DISP1: variants seen among roughly 807,000 people sequenced by gnomAD.
The protein encoded by DISP1 is dispatched RND transporter family member 1, also known as protein dispatched homolog 1.
A neutral mutation model predicts 37.3 loss-of-function variants in DISP1; 30 were observed. The ratio of observed to expected loss-of-function variants is 0.80; its 90% CI spans 0.60 to 1.09. DISP1 has a LOEUF of 1.09. Ranked by LOEUF, DISP1 falls within the 50% of genes least tolerant of loss-of-function variation. The probability of loss-of-function intolerance (pLI) is 0.00; values close to 1 mark genes in which losing one functional copy is unlikely to be tolerated. For synonymous variants in DISP1, 634 were observed against 690.2 expected (o/e 0.92, Z 1.28); for missense variants, 1,598 against 1,879.5 (o/e 0.85, Z 2.77).
At chr1:222,916,167 G>C (rs184912809) in intron 1 of DISP1, among the ~76,000 whole-genome samples, 1 of 152,228 alleles carries the variant, frequency 6.6e-6, no homozygotes, top group Non-Finnish European at 1.5e-5. Flanking sequence ...AGGTGCCTCT[G>C]ATGACTGCTA....
At chr1:222,870,039 G>A (rs955479255) in intron 1 of DISP1, among the ~76,000 whole-genome samples, 2 of 152,132 alleles carry the variant, frequency 1.3e-5, no homozygotes, top group East Asian at 1.9e-4. Context: ...AACATGCGGT[G>A]TTTGGTTTTT....
intron 1 of DISP1, among the ~76,000 whole-genome samples, chr1:222,826,241 G>A (rs1392487660): frequency 3.3e-5 from 5 of 152,036 alleles, no homozygotes; most frequent in Non-Finnish European, 7.4e-5. Context: ...TATTCCTCAT[G>A]GTTGCTCCTC....
At chr1:222,894,797 C>T (rs1385263299) in intron 1 of DISP1, among the ~76,000 whole-genome samples, 2 of 152,226 alleles carry the variant, frequency 1.3e-5, no homozygotes, top group African/African-American at 2.4e-5. Context: ...CTGCTACAGC[C>T]GGCGACGCTG....
intron 1 of DISP1, among the ~76,000 whole-genome samples, chr1:222,881,685 G>C (rs1470842519): frequency 6.6e-6 from 1 of 152,204 alleles, no homozygotes; most frequent in Non-Finnish European, 1.5e-5. Context: ...ATCAGGTAGA[G>C]TTTGAGATTG....
At chr1:222,958,218 CTTT>C (rs1486197032) in intron 3 of DISP1, among the ~76,000 whole-genome samples, 2 of 152,166 alleles carry the variant, frequency 1.3e-5, no homozygotes, top group African/African-American at 4.8e-5. Context: ...TCACTGCAGT[CTTT>C]TAACACATCT....
In DISP1 at chr1:222,904,997, A is replaced by G. The variant is rs979762759; in HGVS notation, c.-158-23433A>G. On this transcript the variant is annotated intron_variant, in intron 1 of 8. Coordinates refer to ENST00000675850, the MANE Select transcript of DISP1 (RefSeq NM_001377229.1). ...CAAATATGCATGCTGGTAAATACAA[A>G]TCGGATCATTTATTTCAGGACTGGT... Among the ~76,000 whole-genome samples the G allele has an allele frequency of 5.3e-5, 8 of 152,196 alleles. No individual in the cohort carries two copies. The South Asian group carries it at 1.2e-3, about 24-fold the overall frequency.
At chr1:222,920,143 G>A (rs2125439733) in intron 1 of DISP1, among the ~76,000 whole-genome samples, 1 of 152,182 alleles carries the variant, frequency 6.6e-6, no homozygotes, top group South Asian at 2.1e-4. Context: ...CAGTGTATTA[G>A]TTATAACCTC....
chr1:222,938,198 C>T (rs1674112840), intron 2 of DISP1, among the ~76,000 whole-genome samples: 1 of 152,008 alleles, frequency 6.6e-6, no homozygotes. Context: ...TTTAAAGTTA[C>T]TCATTATATT....
At chr1:222,936,219 C>T (rs1286506245) in intron 2 of DISP1, among the ~76,000 whole-genome samples, 2 of 152,122 alleles carry the variant, frequency 1.3e-5, no homozygotes, top group Non-Finnish European at 2.9e-5. Flanking sequence ...GCTGTGGCTA[C>T]AGCATCTAGG....
chr1:222,957,734 C>T (rs1469423364), intron 3 of DISP1, among the ~76,000 whole-genome samples: 2 of 152,154 alleles, frequency 1.3e-5, no homozygotes, highest in Non-Finnish European at 2.9e-5. Context: ...GAGAAAATGA[C>T]GCCTCAAGAT....
chr1:222,985,980 A>C (rs1045410666), intron 4 of DISP1, among the ~76,000 whole-genome samples: 1 of 152,200 alleles, frequency 6.6e-6, no homozygotes, highest in Non-Finnish European at 1.5e-5. Context: ...TCTTTAAGGG[A>C]CAAGAGGAAT....
At chr1:222,877,847 G>C (rs909086158) in intron 1 of DISP1, among the ~76,000 whole-genome samples, 1 of 152,184 alleles carries the variant, frequency 6.6e-6, no homozygotes, top group African/African-American at 2.4e-5. Context: ...GCAGGAACTC[G>C]GTGAAGAAGG....
At chr1:222,918,930 T>C (rs1286811992) in intron 1 of DISP1, among the ~76,000 whole-genome samples, 2 of 152,216 alleles carry the variant, frequency 1.3e-5, no homozygotes. Context: ...TTGGGTTGAT[T>C]TACTAATGTG....
In DISP1 at chr1:223,003,841, GTT is replaced by G. The variant is rs1386632860; in HGVS notation, c.2447_2448del (p.Phe816Ter). ...AAAGGGAAGTTGACATTAGATAGCA[GTT>G]TTAACATCGCCAGCCCAGCTTCCCA... On this transcript the variant is annotated frameshift_variant, in exon 9 of 9. Coordinates refer to ENST00000675850, the MANE Select transcript of DISP1 (RefSeq NM_001377229.1). LOFTEE classifies it low-confidence loss of function (END_TRUNC). This position sits in a 1 kb window ranked among gnomAD's most constrained non-coding sequence, Gnocchi z 4.3. 6.2e-7 allele frequency: 1 copy of G among 1,614,100 alleles called. No homozygotes were observed. The highest frequency in any genetic ancestry group is 8.5e-7 in the Non-Finnish European group (1 of 1,180,040).
intron 1 of DISP1, among the ~76,000 whole-genome samples, chr1:222,874,464 A>G (rs980079000): frequency 3.3e-5 from 5 of 151,820 alleles, no homozygotes; most frequent in South Asian, 2.1e-4. Flanking sequence ...TTTATTCTTT[A>G]TTCTTTTTTC....
In DISP1 at chr1:223,003,174, A is replaced by G. The variant is rs772936765; in HGVS notation, c.1777A>G (p.Thr593Ala). Residue 593 changes from threonine to alanine, a missense_variant, in exon 9 of 9, where the codon ACC (threonine) becomes GCC (alanine). Physicochemically the swap from Thr to Ala is moderately conservative, Grantham distance 58 (BLOSUM62 0). Coordinates refer to ENST00000675850, the MANE Select transcript of DISP1 (RefSeq NM_001377229.1). This position sits in a 1 kb window ranked among gnomAD's most constrained non-coding sequence, Gnocchi z 4.3. ...AAAATTTGATAAGCCTCATGCCGAA[A>G]CCTCAGAAACAGTAAGCATCACCTT... Reference protein sequence around the residue: ...YTKFDKPHAETSETVSITLQH... With the variant: ...YTKFDKPHAEASETVSITLQH... The G allele has an allele frequency of 5.6e-6, 9 of 1,614,068 alleles. No homozygotes were observed. The highest frequency in any genetic ancestry group is 7.6e-6 in the Non-Finnish European group (9 of 1,180,038).
chr1:222,935,870 A>C (rs1673691552), intron 2 of DISP1, among the ~76,000 whole-genome samples: 1 of 152,078 alleles, frequency 6.6e-6, no homozygotes, highest in South Asian at 2.1e-4. Context: ...ATCTAGTTTG[A>C]TTGCATCCTT....
At chr1:222,884,758 T>C (rs1257384037) in intron 1 of DISP1, among the ~76,000 whole-genome samples, 1 of 152,238 alleles carries the variant, frequency 6.6e-6, no homozygotes. Context: ...AATGAGTATC[T>C]TTTGCTCACT....
At chr1:222,856,756 G>A (rs138713931) in intron 1 of DISP1, among the ~76,000 whole-genome samples, 1,594 of 148,200 alleles carry the variant, frequency 0.011, 28 homozygotes, top group African/African-American at 0.037. Context: ...TCAGGCTGGA[G>A]TGCAGTGGCT....
Sources: allele counts gnomAD v4.1 joint callset (sites outside exome capture counted in the v4.1 genomes callset), GRCh38; gene constraint gnomAD v4.1.1; non-coding constraint Gnocchi (gnomAD v3.1); transcripts MANE v1.5; gene names NCBI Gene and HGNC (gene_info 2026-07-23, HGNC 2026-07-21).